The following NSMCE2 variants were observed in gnomAD, a reference collection of about 807,000 sequenced individuals.
NSMCE2 encodes the protein NSE2 SUMO ligase component of SMC5/6 complex.
A neutral mutation model predicts 23.8 loss-of-function variants in NSMCE2; 24 were observed. The observed-to-expected ratio is 1.01, with a 90% confidence interval of 0.73 to 1.42. The LOEUF (loss-of-function observed/expected upper bound fraction) is 1.42. Ranked by LOEUF, NSMCE2 falls within the 40% of genes most tolerant of loss-of-function variation. The pLI is 0.00. For synonymous variants in NSMCE2, 92 were observed against 94.1 expected, an observed-to-expected ratio of 0.98 and a Z score of 0.13; for missense variants, 284 against 296.5, an observed-to-expected ratio of 0.96 and a Z score of 0.31.
At chr8:125,316,429 A>G (rs1264457917) in intron 5 of NSMCE2, among the ~76,000 whole-genome samples, 1 of 152,210 alleles carries the variant, frequency 6.6e-6, no homozygotes, top group Non-Finnish European at 1.5e-5. Context: ...TATTCCAACT[A>G]TGTTTATGAC....
intron 3 of NSMCE2, among the ~76,000 whole-genome samples, chr8:125,132,383 A>C (rs959090971): frequency 2.0e-5 from 3 of 152,140 alleles, no homozygotes; most frequent in Non-Finnish European, 2.9e-5. Flanking sequence ...TCTGTGCCTG[A>C]CCTGTTCATA....
chr8:125,124,199 A>G (rs527238886), intron 3 of NSMCE2: 1 of 152,198 alleles, frequency 6.6e-6, no homozygotes, highest in Admixed American at 6.5e-5. Context: ...TTCAAGGTTC[A>G]TCCATGTTGC....
intron 5 of NSMCE2, among the ~76,000 whole-genome samples, chr8:125,326,712 T>C (rs1309106865): frequency 6.6e-6 from 1 of 152,066 alleles, no homozygotes; most frequent in African/African-American, 2.4e-5. Context: ...TCCCAGCACT[T>C]TGGGAGGCCG....
intron 3 of NSMCE2, among the ~76,000 whole-genome samples, chr8:125,141,696 T>C (rs145041755): frequency 3.9e-4 from 59 of 152,314 alleles, no homozygotes; most frequent in African/African-American, 1.4e-3. Flanking sequence ...AACTCTAATG[T>C]AGTCTCTGTG....
intron 3 of NSMCE2, among the ~76,000 whole-genome samples, chr8:125,123,628 A>G (rs1244919833): frequency 6.6e-6 from 1 of 152,236 alleles, no homozygotes; most frequent in Non-Finnish European, 1.5e-5. Flanking sequence ...ACAAGTGTGC[A>G]TCTTGTGTAG....
chr8:125,256,706 A>T (rs891751167), intron 5 of NSMCE2, among the ~76,000 whole-genome samples: 1 of 151,954 alleles, frequency 6.6e-6, no homozygotes, highest in African/African-American at 2.4e-5. Context: ...CGGGTGGATC[A>T]TGAGGTCAGG....
At chr8:125,218,297 CAGGT>C (rs1411373623) in intron 5 of NSMCE2, among the ~76,000 whole-genome samples, 1 of 151,954 alleles carries the variant, frequency 6.6e-6, no homozygotes, top group African/African-American at 2.4e-5. Context: ...TACAAACAGA[CAGGT>C]AGGTTTAATT....
chr8:125,320,118 A>G (rs1295303953), intron 5 of NSMCE2, among the ~76,000 whole-genome samples: 3 of 150,372 alleles, frequency 2.0e-5, no homozygotes, highest in East Asian at 3.9e-4. Flanking sequence ...GGAGGTTTCA[A>G]TGAGCCGAGA....
rs376240525 is a variant in NSMCE2 at position 125,124,470 on chromosome 8, T to TTCTCTCTCTCTCTC, written c.157+21998_157+22011dup. Among the ~76,000 whole-genome samples, 619 of 146,284 alleles carry TTCTCTCTCTCTCTC rather than the reference T, an allele frequency of 4.2e-3. 5 individuals are homozygous for TTCTCTCTCTCTCTC. Among genetic ancestry groups the TTCTCTCTCTCTCTC allele is most frequent in the African/African-American group, 0.015 (598 of 39,962 alleles). On this transcript the variant is annotated intron_variant, in intron 3 of 7. Coordinates refer to ENST00000287437, the MANE Select transcript of NSMCE2 (RefSeq NM_173685.4). ...TTTTTTAAAGTGGATTCCTCAGGATTTCTCTCTCTCTCTCTCTCTCTCTCT... is the reference window on the plus strand; with the variant it reads ...TTTTTTAAAGTGGATTCCTCAGGATTTCTCTCTCTCTCTCTCTCTCTCTCTCTCTCTCTCTCTCT...
At chr8:125,158,521 A>G (rs1403976272) in intron 4 of NSMCE2, among the ~76,000 whole-genome samples, 1 of 152,324 alleles carries the variant, frequency 6.6e-6, no homozygotes, top group East Asian at 1.9e-4. Context: ...CACTCCAGGT[A>G]GGTACTGAGG....
chr8:125,186,975 C>T (rs80121459), intron 5 of NSMCE2, among the ~76,000 whole-genome samples: 1 of 152,086 alleles, frequency 6.6e-6, no homozygotes, highest in African/African-American at 2.4e-5. Flanking sequence ...GAATTTTATC[C>T]TTTAGATACC....
intron 5 of NSMCE2, among the ~76,000 whole-genome samples, chr8:125,306,712 A>T (rs538569144): frequency 3.2e-4 from 49 of 152,260 alleles, no homozygotes; most frequent in African/African-American, 1.2e-3. Flanking sequence ...CTTGATATCC[A>T]GTCTTCATTT....
chr8:125,248,359 T>C (rs1480533961), intron 5 of NSMCE2, among the ~76,000 whole-genome samples: 2 of 152,224 alleles, frequency 1.3e-5, no homozygotes, highest in African/African-American at 4.8e-5. Flanking sequence ...CAAGATGTAT[T>C]ATATTTGAAG....
chr8:125,282,926 G>A (rs1827750237), intron 5 of NSMCE2, among the ~76,000 whole-genome samples: 1 of 152,216 alleles, frequency 6.6e-6, no homozygotes, highest in Admixed American at 6.5e-5. Flanking sequence ...TCTGATGAGG[G>A]CATCTATGCT....
intron 5 of NSMCE2, among the ~76,000 whole-genome samples, chr8:125,266,278 A>T (rs1563752586): frequency 1.3e-5 from 2 of 152,094 alleles, no homozygotes; most frequent in African/African-American, 4.8e-5. Flanking sequence ...TTTAGTAGAG[A>T]TGGGGTTTCT....
intron 3 of NSMCE2, among the ~76,000 whole-genome samples, chr8:125,117,666 C>A (rs1819079982): frequency 6.6e-6 from 1 of 152,160 alleles, no homozygotes; most frequent in African/African-American, 2.4e-5. Flanking sequence ...GAGGCGTGCA[C>A]CACGATCCCC....
chr8:125,158,066 A>T (rs1339334189), intron 4 of NSMCE2, among the ~76,000 whole-genome samples: 1 of 152,170 alleles, frequency 6.6e-6, no homozygotes, highest in Non-Finnish European at 1.5e-5. Context: ...TGGAGGAGGG[A>T]CTGATATTCT....
chr8:125,231,631 G>A (rs75169047), intron 5 of NSMCE2, among the ~76,000 whole-genome samples: 2,728 of 152,182 alleles, frequency 0.018, 78 homozygotes, highest in African/African-American at 0.063. Context: ...GAAAACACCA[G>A]TGTGTATCAT....
intron 3 of NSMCE2, among the ~76,000 whole-genome samples, chr8:125,149,169 G>A (rs755361692): frequency 6.6e-6 from 1 of 151,972 alleles, no homozygotes; most frequent in Non-Finnish European, 1.5e-5. Context: ...TTTTTCTTAT[G>A]TAAACATTAC....
Sources: gnomAD v4.1 joint callset for allele counts (sites outside exome capture counted in the v4.1 genomes callset) on GRCh38, gnomAD v4.1.1 for gene constraint, MANE v1.5 for transcripts, NCBI Gene and HGNC (gene_info 2026-07-23, HGNC 2026-07-21) for gene names.